Variants in XKR6 observed in about 807,000 individuals in gnomAD.
The protein encoded by XKR6 is XK-related protein 6.
In XKR6, 22 loss-of-function variants were observed where a neutral mutation model predicts 56.7. The observed-to-expected ratio is 0.39, with a 90% CI of 0.28 to 0.55. XKR6 has a LOEUF of 0.55. XKR6 is among the 20% of genes least tolerant of loss of function. The probability of loss-of-function intolerance (pLI) is 0.66; values close to 1 mark genes in which losing one functional copy is unlikely to be tolerated. For synonymous variants in XKR6, 524 were observed against 387.8 expected (o/e 1.35, Z -4.13); for missense variants, 852 against 889.0 (o/e 0.96, Z 0.53).
chr8:11,124,916 C>G (rs1456780939), intron 1 of XKR6: 1 of 145,572 alleles, frequency 6.9e-6, no homozygotes, highest in South Asian at 2.2e-4. Flanking sequence ...AACCCCGTCA[C>G]TACTATTAAA....
chr8:11,047,205 C>T (rs139522322), intron 1 of XKR6, among the ~76,000 whole-genome samples: 6 of 152,062 alleles, frequency 3.9e-5, no homozygotes, highest in Non-Finnish European at 8.8e-5. Flanking sequence ...AGCTTACTTG[C>T]GGGAATCATT....
intron 1 of XKR6, chr8:11,195,028 A>C (rs992973166): frequency 1.4e-5 from 9 of 631,088 alleles, no homozygotes; most frequent in Non-Finnish European, 2.5e-5. Context: ...AAATCTTTAG[A>C]GATGTTCTCT....
intron 1 of XKR6, among the ~76,000 whole-genome samples, chr8:11,003,993 G>T (rs951897576): frequency 1.3e-5 from 2 of 152,166 alleles, no homozygotes; most frequent in African/African-American, 2.4e-5. Flanking sequence ...AGGAAGGGCG[G>T]GTGGCTGTGG....
Position 10,906,955 on chromosome 8 carries a change from G to A in XKR6, c.962-8039C>T, listed in dbSNP as rs1800203776. On this transcript the variant is annotated intron_variant, in intron 2 of 2. Transcript: ENST00000416569. ...CCTAGCTACTCTGGAGGCTGAGACAGGGGAATCGTTTGAACCTGGGAGGTG... is the reference window on the plus strand; with the variant it reads ...CCTAGCTACTCTGGAGGCTGAGACAAGGGAATCGTTTGAACCTGGGAGGTG... Among the ~76,000 whole-genome samples the A allele has an allele frequency of 2.0e-5, 3 of 152,214 alleles. No homozygotes were observed. In the South Asian group the frequency reaches 6.2e-4, roughly 32 times the overall value.
chr8:10,973,427 C>T (rs1212703403), intron 1 of XKR6, among the ~76,000 whole-genome samples: 1 of 152,168 alleles, frequency 6.6e-6, no homozygotes, highest in Non-Finnish European at 1.5e-5. Flanking sequence ...CTGAGAGCTC[C>T]GTGTGCACCA....
intron 2 of XKR6, among the ~76,000 whole-genome samples, chr8:10,901,131 T>C (rs949405419): frequency 6.0e-5 from 9 of 150,884 alleles, no homozygotes; most frequent in Non-Finnish European, 1.0e-4. Context: ...TCTCCACTCA[T>C]TGTGACCTCC....
intron 2 of XKR6, among the ~76,000 whole-genome samples, chr8:10,907,574 T>G (rs1354058836): frequency 6.6e-6 from 1 of 152,210 alleles, no homozygotes; most frequent in African/African-American, 2.4e-5. Flanking sequence ...TTAAGTAACT[T>G]TTCCACATGA....
chr8:11,024,209 G>GTT (rs1798811199), intron 1 of XKR6, among the ~76,000 whole-genome samples: 1 of 56,204 alleles, frequency 1.8e-5, no homozygotes. Context: ...TAGGAGGTGT[G>GTT]TGTGTGTGTG....
chr8:11,190,794 A>G (rs1472721212), intron 1 of XKR6, among the ~76,000 whole-genome samples: 1 of 152,228 alleles, frequency 6.6e-6, no homozygotes, highest in Non-Finnish European at 1.5e-5. Flanking sequence ...TCTGGCTTCA[A>G]AAGTTTCCTC....
At chr8:10,914,171 C>T (rs1173036935) in intron 2 of XKR6, among the ~76,000 whole-genome samples, 1 of 133,456 alleles carries the variant, frequency 7.5e-6, no homozygotes, top group Non-Finnish European at 1.6e-5. Flanking sequence ...GAGAGTGCCC[C>T]CCACCCAGCC....
chr8:11,086,751 C>G (rs1797906092), intron 1 of XKR6, among the ~76,000 whole-genome samples: 1 of 152,200 alleles, frequency 6.6e-6, no homozygotes, highest in Non-Finnish European at 1.5e-5. Context: ...CCTGCTGCCT[C>G]TCCAGTGAAA....
At chr8:10,960,433 G>T (rs1170746814) in intron 1 of XKR6, among the ~76,000 whole-genome samples, 1 of 152,244 alleles carries the variant, frequency 6.6e-6, no homozygotes, top group Non-Finnish European at 1.5e-5. Flanking sequence ...TACTCTGAAG[G>T]CCGGGGGAGG....
chr8:11,123,789 A>C (rs1799602819), intron 1 of XKR6: 1 of 444,776 alleles, frequency 2.2e-6, no homozygotes, highest in African/African-American at 2.0e-5. Flanking sequence ...AAGTCTCCTC[A>C]TCTCAGTGTA....
intron 1 of XKR6, among the ~76,000 whole-genome samples, chr8:10,926,797 G>T (rs973188133): frequency 6.6e-6 from 1 of 152,254 alleles, no homozygotes; most frequent in African/African-American, 2.4e-5. Context: ...GTGTTGCCTT[G>T]CTCTGGGCCC....
At chr8:10,910,896 G>A (rs1036027114) in intron 2 of XKR6, among the ~76,000 whole-genome samples, 1 of 152,194 alleles carries the variant, frequency 6.6e-6, no homozygotes, top group African/African-American at 2.4e-5. Flanking sequence ...GATCCTGGCT[G>A]GCCTGGAGCA....
chr8:11,114,773 G>GTGTGTATA (rs34746866), intron 1 of XKR6, among the ~76,000 whole-genome samples: 7,537 of 146,484 alleles, frequency 0.051, 297 homozygotes, highest in Middle Eastern at 0.093. Flanking sequence ...GTGTGTGTGT[G>GTGTGTATA]TATGTGCCAG....
intron 1 of XKR6, among the ~76,000 whole-genome samples, chr8:10,973,974 T>C (rs943635166): frequency 6.6e-6 from 1 of 152,374 alleles, no homozygotes; most frequent in East Asian, 1.9e-4. Flanking sequence ...GTTATTATCA[T>C]TCCAGTTTTT....
At chr8:11,122,711 G>A (rs564082971) in intron 1 of XKR6, among the ~76,000 whole-genome samples, 1 of 152,290 alleles carries the variant, frequency 6.6e-6, no homozygotes, top group Admixed American at 6.5e-5. Context: ...CTCATGGTCT[G>A]TTTACCATTG....
At chr8:11,121,505 G>C (rs1799451611) in intron 1 of XKR6, among the ~76,000 whole-genome samples, 1 of 152,324 alleles carries the variant, frequency 6.6e-6, no homozygotes, top group African/African-American at 2.4e-5. Flanking sequence ...ACACCTGTTA[G>C]AATGGCGATC....
Sources: gnomAD v4.1 joint callset for allele counts (sites outside exome capture counted in the v4.1 genomes callset) on GRCh38, gnomAD v4.1.1 for gene constraint, MANE v1.5 for transcripts, NCBI Gene and HGNC (gene_info 2026-07-23, HGNC 2026-07-21) for gene names.